GPR158: variants seen among roughly 807,000 people sequenced by gnomAD.
GPR158 encodes the protein G protein-coupled receptor 158.
GPR158 carries 30 observed loss-of-function variants against 78.2 expected under a neutral mutation model. That is an observed-to-expected ratio of 0.38 (90% confidence interval 0.29 to 0.52). The LOEUF (loss-of-function observed/expected upper bound fraction) is 0.52, where lower values mean the gene tolerates loss of function less well. Among genes scored for constraint, GPR158 ranks in the 20% least tolerant of loss-of-function variants. The pLI is 0.83. For missense variants in GPR158, 1,463 were observed against 1,523.5 expected, an observed-to-expected ratio of 0.96 and a Z score of 0.66; for synonymous variants, 581 against 591.1, an observed-to-expected ratio of 0.98 and a Z score of 0.25.
chr10:25,241,188 TCCTTTCTTTCTTTC>T (rs1397590424), intron 2 of GPR158, among the ~76,000 whole-genome samples: 65 of 107,020 alleles, frequency 6.1e-4, no homozygotes, highest in African/African-American at 2.6e-3. Flanking sequence ...TTTCTTTCTT[TCCTTTCTTTCTTTC>T]CTTTCTTTCC....
At chr10:25,356,692 G>T (rs1294901102) in intron 2 of GPR158, among the ~76,000 whole-genome samples, 1 of 152,096 alleles carries the variant, frequency 6.6e-6, no homozygotes, top group Non-Finnish European at 1.5e-5. Flanking sequence ...TGATTGTGAG[G>T]CCTCCGCAGC....
chr10:25,332,116 G>GT (rs1200574297), intron 2 of GPR158, among the ~76,000 whole-genome samples: 1 of 146,466 alleles, frequency 6.8e-6, no homozygotes, highest in Admixed American at 6.6e-5. Flanking sequence ...AAATCACCTG[G>GT]GGGGGGGCGA....
chr10:25,384,950 T>G (rs370411912), intron 2 of GPR158, among the ~76,000 whole-genome samples: 36 of 152,324 alleles, frequency 2.4e-4, no homozygotes, highest in Middle Eastern at 3.4e-3. Flanking sequence ...CTAAAATATT[T>G]TTTTAAAAAT....
In GPR158 at chr10:25,234,513, C is replaced by T. The variant is rs186336026; in HGVS notation, c.1008+13356C>T. Among the ~76,000 whole-genome samples the T allele has an allele frequency of 3.7e-4, 57 of 152,212 alleles. 1 individual carries two copies. The East Asian group carries it at 9.1e-3, about 24-fold the overall frequency. On this transcript the variant is annotated intron_variant, in intron 2 of 10. Transcript: ENST00000376351. ...ACTTTTAGGATTTTTATTTTGACTT[C>T]GTTTTCTTAAACAATCTTGACCAAA...
chr10:25,548,872 C>A (rs1011566020), intron 5 of GPR158, among the ~76,000 whole-genome samples: 1 of 152,154 alleles, frequency 6.6e-6, no homozygotes, highest in Non-Finnish European at 1.5e-5. Flanking sequence ...CCAACCCAAT[C>A]TTTCACTTAT....
intron 2 of GPR158, among the ~76,000 whole-genome samples, chr10:25,234,397 T>C (rs879814792): frequency 6.6e-6 from 1 of 152,238 alleles, no homozygotes; most frequent in Non-Finnish European, 1.5e-5. Flanking sequence ...TTTCACATAT[T>C]AGTTTGATAC....
intron 4 of GPR158, among the ~76,000 whole-genome samples, chr10:25,461,717 T>C (rs1323998997): frequency 6.6e-6 from 1 of 151,260 alleles, no homozygotes; most frequent in Non-Finnish European, 1.5e-5. Flanking sequence ...TGGAAGAAGA[T>C]GCCATCTAGG....
chr10:25,400,791 CT>C (rs1329309381), intron 3 of GPR158, among the ~76,000 whole-genome samples: 8 of 152,094 alleles, frequency 5.3e-5, no homozygotes, highest in Non-Finnish European at 1.2e-4. Context: ...TTTCTTTGGC[CT>C]TTTGGATTGA....
chr10:25,458,658 C>A (rs565989243), intron 4 of GPR158, among the ~76,000 whole-genome samples: 1 of 152,204 alleles, frequency 6.6e-6, no homozygotes, highest in Non-Finnish European at 1.5e-5. Context: ...GGCATTATGA[C>A]TCCCATCTTA....
intron 1 of GPR158, among the ~76,000 whole-genome samples, chr10:25,196,439 A>G (rs184156680): frequency 6.6e-6 from 1 of 152,114 alleles, no homozygotes; most frequent in African/African-American, 2.4e-5. Flanking sequence ...TTGTTGTTCC[A>G]ACTTCAGTTG....
At chr10:25,314,160 G>C (rs1854810541) in intron 2 of GPR158, among the ~76,000 whole-genome samples, 1 of 152,100 alleles carries the variant, frequency 6.6e-6, no homozygotes, top group South Asian at 2.1e-4. Context: ...GAGTGCAGTG[G>C]CACAATCTCG....
At chr10:25,440,163 T>C (rs1195869507) in intron 4 of GPR158, among the ~76,000 whole-genome samples, 1 of 152,224 alleles carries the variant, frequency 6.6e-6, no homozygotes, top group Non-Finnish European at 1.5e-5. Context: ...AGATCTGAAC[T>C]CTTCCTCCAG....
chr10:25,379,219 A>T (rs12782787), intron 2 of GPR158, among the ~76,000 whole-genome samples: 1 of 152,266 alleles, frequency 6.6e-6, no homozygotes, highest in East Asian at 1.9e-4. Flanking sequence ...TTCTATTGCT[A>T]TTCATTCCCT....
chr10:25,371,331 G>T (rs150034032), intron 2 of GPR158, among the ~76,000 whole-genome samples: 1 of 151,550 alleles, frequency 6.6e-6, no homozygotes, highest in African/African-American at 2.4e-5. Context: ...CATGTTTAGC[G>T]CTTCCTTCAG....
chr10:25,501,835 C>A (rs1384403071), intron 5 of GPR158, among the ~76,000 whole-genome samples: 3 of 152,142 alleles, frequency 2.0e-5, no homozygotes, highest in Admixed American at 1.3e-4. Context: ...AGAACAAACA[C>A]CAGAAAAGAA....
chr10:25,180,921 T>C (rs1852604589), intron 1 of GPR158, among the ~76,000 whole-genome samples: 3 of 151,614 alleles, frequency 2.0e-5, no homozygotes, highest in Admixed American at 2.0e-4. Context: ...ATCACAATAG[T>C]ATGGAAATCT....
At chr10:25,540,945 A>AAAAAATATATAT (rs1342123329) in intron 5 of GPR158, among the ~76,000 whole-genome samples, 1 of 82,922 alleles carries the variant, frequency 1.2e-5, no homozygotes, top group African/African-American at 9.8e-5. Context: ...GTATAATAAA[A>AAAAAATATATAT]ATATATATAT....
chr10:25,206,245 C>T (rs1853028598), intron 1 of GPR158, among the ~76,000 whole-genome samples: 1 of 152,132 alleles, frequency 6.6e-6, no homozygotes, highest in Non-Finnish European at 1.5e-5. Context: ...TCTCGGCCTC[C>T]CAAAGTGCTG....
At position 25,594,368 on chromosome 10, in the gene GPR158, G is replaced by T. The variant is rs774488028; in HGVS notation, c.1969G>T (p.Val657Phe). The T allele has an allele frequency of 6.4e-7, 1 of 1,573,690 alleles. No homozygotes were observed. The change falls in exon 9 of 11, where the codon GTC becomes TTC. Residue 657 changes from valine (V) to phenylalanine (F), a missense_variant. By Grantham distance (50) the Val-to-Phe change is conservative. Transcript: ENST00000376351. ...YFAHTHLTVT[V>F]TIGLLLIPKF... is the part of the protein sequence containing the mutation. ...TGCACATACTCATTTGACTGTGACA[G>T]TCACCATTGGGTTGCTTTTGATTCC...
Sources: gnomAD v4.1 joint callset for allele counts (sites outside exome capture counted in the v4.1 genomes callset) on GRCh38, gnomAD v4.1.1 for gene constraint, MANE v1.5 for transcripts, NCBI Gene and HGNC (gene_info 2026-07-23, HGNC 2026-07-21) for gene names.